The following TESK2 variants were observed in gnomAD, a reference collection of about 807,000 sequenced individuals.
The protein encoded by TESK2 is dual specificity testis-specific protein kinase 2.
TESK2 carries 39 observed loss-of-function variants against 57.1 expected under a neutral mutation model. That is an observed-to-expected ratio of 0.68 (90% CI 0.53 to 0.89). TESK2 has a LOEUF of 0.89. Ranked by LOEUF, TESK2 falls within the 40% of genes least tolerant of loss-of-function variation. The probability of loss-of-function intolerance (pLI) is 0.00; values close to 1 mark genes in which losing one functional copy is unlikely to be tolerated. For missense variants in TESK2, 646 were observed against 732.1 expected (o/e 0.88, Z 1.36); for synonymous variants, 249 against 267.9 (o/e 0.93, Z 0.69).
intron 3 of TESK2, among the ~76,000 whole-genome samples, chr1:45,406,332 A>C (rs1232808586): frequency 6.6e-6 from 1 of 152,210 alleles, no homozygotes; most frequent in East Asian, 1.9e-4. Flanking sequence ...GGCAAAATAA[A>C]GACTTTACCA....
chr1:45,446,799 T>C (rs1651665839), intron 2 of TESK2, among the ~76,000 whole-genome samples: 1 of 152,178 alleles, frequency 6.6e-6, no homozygotes, highest in Non-Finnish European at 1.5e-5. Flanking sequence ...CAAAACCAAA[T>C]ACCCCTGCCT....
intron 1 of TESK2, among the ~76,000 whole-genome samples, chr1:45,475,173 G>A (rs971624442): frequency 6.7e-6 from 1 of 149,632 alleles, no homozygotes; most frequent in African/African-American, 2.4e-5. Context: ...GTAATCAAGA[G>A]GAAAGAGGAA....
In TESK2 at chr1:45,347,649, A is replaced by G. The variant is rs1647165390; in HGVS notation, c.668T>C (p.Met223Thr). 1 of 1,614,046 alleles carries G rather than the reference A, an allele frequency of 6.2e-7. No homozygotes were observed. Among genetic ancestry groups the G allele is most frequent in the African/African-American group, 1.3e-5 (1 of 74,920 alleles). The change falls in exon 7 of 11, where the codon ATG becomes ACG. Residue 223 changes from methionine (M) to threonine (T), a missense_variant. Transcript: ENST00000372086. ...CTCATCTCGGAGAACCTCAGGTGCC[A>G]TCCAGAATGGGGAACCCACCACGGC... ...KLAVVGSPFW[M>T]APEVLRDEPY...
intron 3 of TESK2, among the ~76,000 whole-genome samples, chr1:45,395,653 C>T (rs1038627730): frequency 6.6e-6 from 1 of 150,584 alleles, no homozygotes; most frequent in African/African-American, 2.5e-5. Flanking sequence ...GTCACCCAGG[C>T]TGGAGTGCAG....
intron 3 of TESK2, among the ~76,000 whole-genome samples, chr1:45,393,844 A>G (rs1649247778): frequency 6.6e-6 from 1 of 152,200 alleles, no homozygotes; most frequent in Non-Finnish European, 1.5e-5. Flanking sequence ...CAGGGAAGTG[A>G]CATGTGCCTA....
intron 3 of TESK2, among the ~76,000 whole-genome samples, chr1:45,386,326 C>A (rs1394275271): frequency 6.3e-5 from 6 of 95,478 alleles, no homozygotes; most frequent in Admixed American, 1.7e-4. Context: ...GCCTAGGGGA[C>A]AAGAGCGAGA....
intron 4 of TESK2, among the ~76,000 whole-genome samples, chr1:45,366,925 C>T (rs946131535): frequency 5.9e-5 from 9 of 152,018 alleles, no homozygotes; most frequent in Admixed American, 1.3e-4. Flanking sequence ...CTTGAGCTCA[C>T]GAGTTCGAGA....
chr1:45,459,356 T>G (rs766812886), intron 1 of TESK2, among the ~76,000 whole-genome samples: 87 of 152,214 alleles, frequency 5.7e-4, no homozygotes, highest in Non-Finnish European at 9.7e-4. Flanking sequence ...TCCCCAATTC[T>G]TAAGGCCTAA....
chr1:45,416,790 A>AT lies in TESK2; in HGVS notation c.344+4934dup, dbSNP rs1239196738. On this transcript the variant is annotated intron_variant, in intron 3 of 10. Transcript: ENST00000372086. The stretch of plus-strand genomic sequence containing the variant: ...TGGTAACCACCATTCTTCTCTCCAC[A>AT]TTTTTTTTTTTTTTGAGACAGAGTC... Among the ~76,000 whole-genome samples the AT allele has an allele frequency of 4.6e-3, 616 of 133,502 alleles. 4 individuals are homozygous for AT. Among genetic ancestry groups the AT allele is most frequent in the African/African-American group, 0.013 (491 of 36,386 alleles). 87.6% of individuals were successfully genotyped at this position (133,502 alleles called of 152,430 possible). A position where few individuals can be genotyped will look rare whatever the true frequency, so the allele number is the denominator to read the frequency against.
chr1:45,369,612 G>A (rs1009914423), intron 4 of TESK2, among the ~76,000 whole-genome samples: 13 of 152,212 alleles, frequency 8.5e-5, no homozygotes, highest in Non-Finnish European at 1.6e-4. Flanking sequence ...AGTGGTGGCA[G>A]TGGAGGCGGG....
chr1:45,414,574 T>C (rs1650163241), intron 3 of TESK2, among the ~76,000 whole-genome samples: 1 of 152,130 alleles, frequency 6.6e-6, no homozygotes, highest in South Asian at 2.1e-4. Flanking sequence ...CAAAAGGAGA[T>C]AAGCTAAGAA....
At chr1:45,410,370 G>A (rs767740092) in intron 3 of TESK2, among the ~76,000 whole-genome samples, 1 of 151,872 alleles carries the variant, frequency 6.6e-6, no homozygotes, top group East Asian at 1.9e-4. Context: ...TTGGGAGGCC[G>A]AGGCAAACGG....
chr1:45,371,367 C>G (rs1648170790), intron 4 of TESK2, among the ~76,000 whole-genome samples: 1 of 152,118 alleles, frequency 6.6e-6, no homozygotes, highest in Non-Finnish European at 1.5e-5. Context: ...TGTTCATCAA[C>G]CCATGAATGG....
rs776755807 is a variant in TESK2 at position 45,345,259 on chromosome 1, G to C, written c.1297C>G (p.Pro433Ala). Residue 433 changes from proline to alanine, a missense_variant, in exon 11 of 11, where the codon CCA (proline) becomes GCA (alanine). Physicochemically the swap from Pro to Ala is conservative, Grantham distance 27. Coordinates refer to ENST00000372086, the MANE Select transcript of TESK2 (RefSeq NM_007170.3). ...GCCAGGGGCATAGTTCCGGGCCCTG[G>C]TGCATCCAGGTCAAATACCAGAGAG... Reference protein sequence around the residue: ...VISLVFDLDAPGPGTMPLADW... With the variant: ...VISLVFDLDAAGPGTMPLADW... 2.5e-6 allele frequency: 4 copies of C among 1,614,200 alleles called. No individual in the cohort carries two copies. The South Asian group carries it at 4.4e-5, about 18-fold the overall frequency.
At chr1:45,448,237 CA>C (rs762537140) in intron 2 of TESK2, among the ~76,000 whole-genome samples, 66 of 84,364 alleles carry the variant, frequency 7.8e-4, no homozygotes, top group East Asian at 1.1e-3. Context: ...GACCCTGTCT[CA>C]AAAAAAAAAA....
chr1:45,366,757 A>C (rs1385909037), intron 4 of TESK2, among the ~76,000 whole-genome samples: 1 of 152,208 alleles, frequency 6.6e-6, no homozygotes, highest in East Asian at 1.9e-4. Context: ...CCCTCAATTT[A>C]ATCATTAAAA....
intron 3 of TESK2, among the ~76,000 whole-genome samples, chr1:45,387,826 G>A (rs1234812160): frequency 6.6e-6 from 1 of 152,160 alleles, no homozygotes; most frequent in Admixed American, 6.5e-5. Context: ...GGCCAACATG[G>A]TGAAACCCTG....
chr1:45,442,281 T>A lies in TESK2; in HGVS notation c.222+15283A>T, dbSNP rs141892224. Among the ~76,000 whole-genome samples the A allele has an allele frequency of 2.3e-3, 352 of 152,246 alleles. 2 individuals carry two copies. Among genetic ancestry groups the A allele is most frequent in the African/African-American group, 8.1e-3 (338 of 41,572 alleles). Reference sequence around the variant, plus strand: ...AGAGACTTTTATGGTATGTGAATTATTTCTCACTAAAGCTTTTTTTTTTTT... The same window carrying A: ...AGAGACTTTTATGGTATGTGAATTAATTCTCACTAAAGCTTTTTTTTTTTT... On this transcript the variant is annotated intron_variant, in intron 2 of 10. Transcript: ENST00000372086.
intron 4 of TESK2, among the ~76,000 whole-genome samples, chr1:45,380,166 T>C (rs1570669080): frequency 6.6e-6 from 1 of 152,094 alleles, no homozygotes; most frequent in South Asian, 2.1e-4. Flanking sequence ...TCCCAAAGTG[T>C]TGGGATTACA....
Sources: allele counts gnomAD v4.1 joint callset (sites outside exome capture counted in the v4.1 genomes callset), GRCh38; gene constraint gnomAD v4.1.1; transcripts MANE v1.5; gene names NCBI Gene and HGNC (gene_info 2026-07-23, HGNC 2026-07-21).